The following MALT1 variants were observed in gnomAD, a reference collection of about 807,000 sequenced individuals.
MALT1 encodes mucosa-associated lymphoid tissue lymphoma translocation protein 1.
In MALT1, 36 loss-of-function variants were observed where a neutral mutation model predicts 85.5. The observed-to-expected ratio is 0.42, with a 90% CI of 0.32 to 0.56. The LOEUF is 0.56. MALT1 is among the 20% of genes least tolerant of loss of function. MALT1 has a pLI of 0.10. For synonymous variants in MALT1, 359 were observed against 361.3 expected (o/e 0.99, Z 0.07); for missense variants, 716 against 981.6 (o/e 0.73, Z 3.62).
rs541518120 is a variant in MALT1, at chr18:58,747,700, A to G, written c.2333A>G (p.His778Arg). The change falls in exon 17 of 17, where the codon CAT (histidine) becomes CGT (arginine). Residue 778 changes from histidine to arginine, a missense_variant. By Grantham distance (29) the His-to-Arg change is conservative. Around this residue, in one of 4 missense-constraint regions of MALT1, gnomAD observed 260 missense variants for 323.7 expected, o/e 0.80. Transcript: ENST00000649217. ...PSNVTPADSC[H>R]CSRTPDAFIS... ...AATGTTACACCAGCAGATAGCTGTC[A>G]TTGCAGCCGGACTCCAGATGCATTT... 1.7e-5 allele frequency: 27 copies of G among 1,614,192 alleles called. No homozygotes were observed. In the East Asian group the frequency reaches 5.3e-4, roughly 32 times the overall value.
At chr18:58,726,013 A>C (rs552339767) in intron 10 of MALT1, among the ~76,000 whole-genome samples, 19 of 152,296 alleles carry the variant, frequency 1.2e-4, no homozygotes, top group African/African-American at 4.1e-4. Flanking sequence ...GTGAGCCAAG[A>C]TCATGCCACT....
chr18:58,699,784 A>G (rs2054645052), intron 3 of MALT1, among the ~76,000 whole-genome samples: 1 of 152,214 alleles, frequency 6.6e-6, no homozygotes, highest in African/African-American at 2.4e-5. Context: ...GTAGCTGATC[A>G]ATTGCTGGGA....
intron 12 of MALT1, 23 bp from the exon 13 acceptor site, chr18:58,735,179 T>C (rs2055207481): frequency 6.3e-7 from 1 of 1,595,180 alleles, no homozygotes; most frequent in South Asian, 1.1e-5. Context: ...GTGCCTGGCT[T>C]AACTTCTTTT....
At position 58,744,946 on chromosome 18, in the gene MALT1, A is replaced by T. The variant is rs114699923; in HGVS notation, c.1911+451A>T. Among the ~76,000 whole-genome samples the T allele has an allele frequency of 7.8e-3, 1,194 of 152,302 alleles. 19 individuals are homozygous for T. Among genetic ancestry groups the T allele is most frequent in the African/African-American group, 0.027 (1,140 of 41,558 alleles). Reference sequence around the variant, plus strand: ...TACGTTGGTCTAAAGAAGCCAGTAAATAGTACCCCTCTTTCCTACATGAGT... The same window carrying T: ...TACGTTGGTCTAAAGAAGCCAGTAATTAGTACCCCTCTTTCCTACATGAGT... On this transcript the variant is annotated intron_variant, in intron 15 of 16. Coordinates refer to ENST00000649217, the MANE Select transcript of MALT1 (RefSeq NM_006785.4).
At chr18:58,675,161 C>A (rs780143464) in intron 1 of MALT1, among the ~76,000 whole-genome samples, 5 of 151,990 alleles carry the variant, frequency 3.3e-5, no homozygotes, top group Non-Finnish European at 7.4e-5. Context: ...GGGTCTTGCC[C>A]AAGCTATGTA....
intron 4 of MALT1, among the ~76,000 whole-genome samples, chr18:58,705,154 TG>T (rs1380320304): frequency 6.6e-6 from 1 of 152,184 alleles, no homozygotes; most frequent in Non-Finnish European, 1.5e-5. Context: ...TCTAACTTAT[TG>T]TAGTAAACCT....
chr18:58,675,872 A>G (rs1412228900), intron 1 of MALT1, among the ~76,000 whole-genome samples: 3 of 152,160 alleles, frequency 2.0e-5, no homozygotes, highest in Non-Finnish European at 4.4e-5. Context: ...TGACTAAGAC[A>G]CGTCTTAAAT....
At position 58,721,618 on chromosome 18, in the gene MALT1, T is replaced by G. The variant is rs192917040; in HGVS notation, c.1019-1430T>G. Among the ~76,000 whole-genome samples, 919 of 152,292 alleles carry G rather than the reference T, an allele frequency of 6.0e-3. 29 individuals carry two copies. The highest frequency in any genetic ancestry group is 0.052 in the Admixed American group (793 of 15,302). The stretch of plus-strand genomic sequence containing the variant: ...ACAAAGTAGAGTTTTTTTTATCCTT[T>G]GAGAGAGTCACAGTCTTTTAAATTG... On this transcript the variant is annotated intron_variant, in intron 9 of 16. Coordinates refer to ENST00000649217, the MANE Select transcript of MALT1 (RefSeq NM_006785.4).
intron 16 of MALT1, among the ~76,000 whole-genome samples, chr18:58,746,674 CTATAA>C (rs2055371195): frequency 6.6e-6 from 1 of 151,988 alleles, no homozygotes; most frequent in African/African-American, 2.4e-5. Flanking sequence ...TTATGGATTA[CTATAA>C]TATTTTAAAA....
intron 4 of MALT1, among the ~76,000 whole-genome samples, chr18:58,706,721 T>A (rs549381794): frequency 1.4e-4 from 22 of 152,366 alleles, no homozygotes; most frequent in African/African-American, 5.3e-4. Flanking sequence ...TTGAAGGATA[T>A]TTTCGTCGTG....
At position 58,723,032 on chromosome 18, in the gene MALT1, TC is replaced by T. The variant is rs777069056; in HGVS notation, c.1019-15del. ...TTATATCTTCTTTAAACACCCCCTT[TC>T]TTTTTTTTTCAAAGCGAAGGACAAG... On this transcript the variant is annotated splice_polypyrimidine_tract_variant and intron_variant, in intron 9 of 16. Coordinates refer to ENST00000649217, the MANE Select transcript of MALT1 (RefSeq NM_006785.4). The T allele has an allele frequency of 6.3e-6, 10 of 1,595,218 alleles. No individual in the cohort carries two copies. The highest frequency in any genetic ancestry group is 3.4e-5 in the Admixed American group (2 of 59,634).
At chr18:58,690,185 A>T (rs2054475243) in intron 2 of MALT1, among the ~76,000 whole-genome samples, 1 of 152,136 alleles carries the variant, frequency 6.6e-6, no homozygotes, top group Non-Finnish European at 1.5e-5. Flanking sequence ...GGTAACTCTT[A>T]CAATATTTCG....
chr18:58,725,079 G>T (rs561460611), intron 10 of MALT1, among the ~76,000 whole-genome samples: 1 of 148,880 alleles, frequency 6.7e-6, no homozygotes, highest in Non-Finnish European at 1.5e-5. Context: ...GCAGTAAGCC[G>T]AGATCACACC....
At chr18:58,694,134 C>T (rs1602292904) in intron 2 of MALT1, among the ~76,000 whole-genome samples, 2 of 152,088 alleles carry the variant, frequency 1.3e-5, no homozygotes, top group Non-Finnish European at 1.5e-5. Context: ...AACTTGGCCT[C>T]GACATAAAGG....
intron 1 of MALT1, among the ~76,000 whole-genome samples, chr18:58,675,866 T>G (rs551681858): frequency 2.0e-5 from 3 of 152,208 alleles, no homozygotes; most frequent in Non-Finnish European, 4.4e-5. Context: ...CTTGAATGAC[T>G]AAGACACGTC....
rs1309853933 is a variant in MALT1 at position 58,752,476 on chromosome 18, A to T, written c.*4634A>T. 1 of 152,134 alleles carries T rather than the reference A, an allele frequency of 6.6e-6. No individual in the cohort carries two copies. Among genetic ancestry groups the T allele is most frequent in the Non-Finnish European group, 1.5e-5 (1 of 68,032 alleles). The allele number at this position is 152,134 out of a possible 1,614,324, so 9.4% of individuals were successfully genotyped here. A position where few individuals can be genotyped will look rare whatever the true frequency, so the allele number is the denominator to read the frequency against. On this transcript the variant is annotated 3_prime_UTR_variant, in exon 17 of 17. Transcript: ENST00000649217. ...TTCTCAGTTTGACATTGTCATTCAAATTCAGAGTTTGACACTGAAACCCTG... is the reference window on the plus strand; with the variant it reads ...TTCTCAGTTTGACATTGTCATTCAATTTCAGAGTTTGACACTGAAACCCTG...
chr18:58,716,110 G>C, intron 9 of MALT1, 143 bp downstream of exon 9: 1 of 637,830 alleles, frequency 1.6e-6, no homozygotes, highest in Non-Finnish European at 2.7e-6. Context: ...ATCTGTAAAA[G>C]AAGGTTTAGA....
chr18:58,746,195 C>T (rs1347596255), intron 16 of MALT1, among the ~76,000 whole-genome samples: 1 of 152,014 alleles, frequency 6.6e-6, no homozygotes, highest in Non-Finnish European at 1.5e-5. Flanking sequence ...TTTTTTAAAA[C>T]TTTTTGTGGA....
At position 58,727,616 on chromosome 18, in the gene MALT1, G is replaced by GTTTTTT. The variant is rs751434443; in HGVS notation, c.1222+4371_1222+4376dup. Among the ~76,000 whole-genome samples, 60 of 121,236 alleles carry GTTTTTT rather than the reference G, an allele frequency of 4.9e-4. 2 individuals carry two copies. Among genetic ancestry groups the GTTTTTT allele is most frequent in the East Asian group, 4.6e-3 (19 of 4,142 alleles). 79.5% of individuals were successfully genotyped at this position (121,236 alleles called of 152,430 possible). ...ACCCAGCCTGCCAAAGGTTTTTTGT[G>GTTTTTT]TTTTTTTTTTTGTTTTTTTTTTTTT... On this transcript the variant is annotated intron_variant, in intron 10 of 16. Transcript: ENST00000649217.
Sources: gnomAD v4.1 joint callset for allele counts (sites outside exome capture counted in the v4.1 genomes callset) on GRCh38, gnomAD v4.1.1 for gene constraint, gnomAD v4.1.1 regional missense constraint, MANE v1.5 for transcripts, NCBI Gene and HGNC (gene_info 2026-07-23, HGNC 2026-07-21) for gene names.